PRKG1: variants seen among roughly 807,000 people sequenced by gnomAD.
The protein encoded by PRKG1 is protein kinase cGMP-dependent 1, also known as cGMP-dependent protein kinase 1.
PRKG1 carries 35 observed loss-of-function variants against 88.1 expected under a neutral mutation model. The ratio of observed to expected loss-of-function variants is 0.40; its 90% CI spans 0.30 to 0.53. The LOEUF (loss-of-function observed/expected upper bound fraction) is 0.53. Among genes scored for constraint, PRKG1 ranks in the 20% least tolerant of loss-of-function variants. The pLI is 0.59. For synonymous variants in PRKG1, 303 were observed against 292.5 expected (o/e 1.04, Z -0.37); for missense variants, 540 against 839.8 (o/e 0.64, Z 4.41).
intron 4 of PRKG1, among the ~76,000 whole-genome samples, chr10:51,816,383 A>G (rs1196805697): frequency 6.6e-6 from 1 of 152,222 alleles, no homozygotes; most frequent in Admixed American, 6.5e-5. Flanking sequence ...GAATAATAGA[A>G]CAAATACTTG....
At chr10:51,837,695 C>G (rs1409428170) in intron 4 of PRKG1, among the ~76,000 whole-genome samples, 1 of 152,154 alleles carries the variant, frequency 6.6e-6, no homozygotes, top group African/African-American at 2.4e-5. Context: ...GCATTTACCA[C>G]ACTGTCCGGA....
chr10:51,333,073 C>A (rs948574593), intron 2 of PRKG1, among the ~76,000 whole-genome samples: 2 of 152,226 alleles, frequency 1.3e-5, no homozygotes, highest in Non-Finnish European at 2.9e-5. Context: ...GGGTGGACAT[C>A]ATGGTCTTAA....
chr10:52,286,379 G>A (rs1251503032), intron 14 of PRKG1, among the ~76,000 whole-genome samples: 1 of 151,968 alleles, frequency 6.6e-6, no homozygotes, highest in East Asian at 1.9e-4. Context: ...GACATATAAA[G>A]TGTGGACCCC....
chr10:51,728,068 A>T (rs1405955841), intron 3 of PRKG1, among the ~76,000 whole-genome samples: 1 of 152,170 alleles, frequency 6.6e-6, no homozygotes, highest in East Asian at 1.9e-4. Context: ...TAAACCACAC[A>T]GAAGAAAAAA....
chr10:51,047,932 G>A (rs947763589), intron 1 of PRKG1, among the ~76,000 whole-genome samples: 1 of 152,148 alleles, frequency 6.6e-6, no homozygotes, highest in Non-Finnish European at 1.5e-5. Flanking sequence ...TATCTCTGCG[G>A]TTCCTGTAGT....
intron 5 of PRKG1, among the ~76,000 whole-genome samples, chr10:51,951,598 G>T (rs929271980): frequency 2.6e-5 from 4 of 151,888 alleles, no homozygotes; most frequent in African/African-American, 9.7e-5. Context: ...ACTATTCACA[G>T]AATTTTTAGA....
At chr10:52,025,265 A>T (rs1373249728) in intron 5 of PRKG1, among the ~76,000 whole-genome samples, 1 of 152,086 alleles carries the variant, frequency 6.6e-6, no homozygotes, top group Non-Finnish European at 1.5e-5. Context: ...ATTTTCTCCC[A>T]TTCTGTAGGT....
intron 4 of PRKG1, among the ~76,000 whole-genome samples, chr10:51,832,980 T>C (rs1403984050): frequency 6.6e-6 from 1 of 152,138 alleles, no homozygotes; most frequent in East Asian, 1.9e-4. Context: ...TTAATGTCGA[T>C]TACAGGGAGG....
chr10:51,458,453 A>G (rs189639308), intron 2 of PRKG1, among the ~76,000 whole-genome samples: 1 of 151,874 alleles, frequency 6.6e-6, no homozygotes, highest in African/African-American at 2.4e-5. Context: ...TTACAACCAG[A>G]TATGGTATGA....
chr10:51,966,269 C>G (rs977069840), intron 5 of PRKG1, among the ~76,000 whole-genome samples: 1 of 152,072 alleles, frequency 6.6e-6, no homozygotes, highest in Non-Finnish European at 1.5e-5. Context: ...GTACCTGGCT[C>G]ATTGTAATCT....
intron 10 of PRKG1, among the ~76,000 whole-genome samples, chr10:52,256,770 G>A (rs1841318400): frequency 7.2e-6 from 1 of 139,506 alleles, no homozygotes; most frequent in African/African-American, 2.5e-5. Context: ...TCCAATATAA[G>A]TAAGAGCCAG....
At chr10:51,645,783 A>G (rs1376007240) in intron 3 of PRKG1, among the ~76,000 whole-genome samples, 5 of 152,214 alleles carry the variant, frequency 3.3e-5, no homozygotes, top group Non-Finnish European at 7.3e-5. Flanking sequence ...CAAAATTAGT[A>G]TTACCAGATA....
chr10:51,629,586 G>A (rs1164234600), intron 3 of PRKG1, among the ~76,000 whole-genome samples: 1 of 152,042 alleles, frequency 6.6e-6, no homozygotes, highest in African/African-American at 2.4e-5. Context: ...ATGGAAGCAG[G>A]CTTTTCAGTG....
At chr10:51,239,203 TG>T (rs1707726257) in intron 2 of PRKG1, among the ~76,000 whole-genome samples, 1 of 152,192 alleles carries the variant, frequency 6.6e-6, no homozygotes, top group South Asian at 2.1e-4. Context: ...AAAAAGAAAC[TG>T]GTTCTTAAAT....
chr10:51,712,094 A>T (rs1027073588), intron 3 of PRKG1, among the ~76,000 whole-genome samples: 9 of 144,400 alleles, frequency 6.2e-5, no homozygotes, highest in Admixed American at 6.0e-4. Context: ...ACTGGCAAAC[A>T]TGTGTAATTT....
chr10:51,686,351 T>C (rs559129415), intron 3 of PRKG1, among the ~76,000 whole-genome samples: 241 of 152,214 alleles, frequency 1.6e-3, no homozygotes, highest in South Asian at 3.5e-3. Flanking sequence ...TTAGTATGCA[T>C]GTGTTCTCGT....
chr10:51,183,058 C>T (rs1837389844), intron 2 of PRKG1, among the ~76,000 whole-genome samples: 1 of 152,066 alleles, frequency 6.6e-6, no homozygotes, highest in South Asian at 2.1e-4. Flanking sequence ...GAAAAAAAGA[C>T]TAATAACAGT....
chr10:51,646,094 T>G (rs1293316585), intron 3 of PRKG1, among the ~76,000 whole-genome samples: 1 of 152,086 alleles, frequency 6.6e-6, no homozygotes, highest in Admixed American at 6.5e-5. Context: ...AGCAGTAGAA[T>G]AAATTCTATT....
intron 3 of PRKG1, among the ~76,000 whole-genome samples, chr10:51,551,114 C>T (rs1337975772): frequency 2.6e-5 from 4 of 151,832 alleles, no homozygotes; most frequent in Admixed American, 1.3e-4. Flanking sequence ...AATGGTATAA[C>T]TTTTGTCATC....
Sources: allele counts gnomAD v4.1 joint callset (sites outside exome capture counted in the v4.1 genomes callset), GRCh38; gene constraint gnomAD v4.1.1; transcripts MANE v1.5; gene names NCBI Gene and HGNC (gene_info 2026-07-23, HGNC 2026-07-21).